MEIS2: variants seen among roughly 807,000 people sequenced by gnomAD.
MEIS2 encodes the protein Meis homeobox 2, also known as homeobox protein Meis2.
Under a neutral mutation model 58.6 loss-of-function variants are expected in MEIS2, and 9 were observed. That is an observed-to-expected ratio of 0.15 (90% CI 0.09 to 0.27). MEIS2 has a LOEUF of 0.27. Among genes scored for constraint, MEIS2 ranks in the 10% least tolerant of loss-of-function variants. The pLI, the probability that MEIS2 is intolerant of heterozygous loss-of-function variation, is 1.00. For synonymous variants in MEIS2, 221 were observed against 228.4 expected (o/e 0.97, Z 0.29); for missense variants, 427 against 635.0 (o/e 0.67, Z 3.52).
At chr15:37,083,292 A>G (rs1457295173) in intron 7 of MEIS2, among the ~76,000 whole-genome samples, 1 of 152,214 alleles carries the variant, frequency 6.6e-6, no homozygotes, top group Admixed American at 6.5e-5. Context: ...CCTTCCCAAG[A>G]TAAGATTCCA....
intron 8 of MEIS2, among the ~76,000 whole-genome samples, chr15:36,992,284 T>A (rs546309416): frequency 1.5e-3 from 225 of 152,186 alleles, no homozygotes; most frequent in Admixed American, 2.1e-3. Flanking sequence ...AGTTGAAAAG[T>A]TCATAATGTT....
chr15:37,009,146 A>G (rs565128776), intron 8 of MEIS2, among the ~76,000 whole-genome samples: 41 of 152,196 alleles, frequency 2.7e-4, no homozygotes, highest in Admixed American at 9.2e-4. Flanking sequence ...AAAATTAACC[A>G]GGCGTGGTGG....
Position 37,096,397 on chromosome 15 carries a change from A to G in MEIS2, c.279T>C (p.Phe93=). Residue 93 remains phenylalanine, a synonymous_variant, in exon 3 of 12, where the codon TTT becomes TTC. Coordinates refer to ENST00000561208, the MANE Select transcript of MEIS2 (RefSeq NM_170675.5). The part of the protein sequence containing the change: ...HPLFPLLALV[F]EKCELATCTP... ...TGCAGGTCGCCAGCTCGCACTTCTC[A>G]AAGACCAGAGCTAACAGAGGAAACA... 2 of 1,613,996 alleles carry G rather than the reference A, an allele frequency of 1.2e-6. No individual in the cohort carries two copies. The highest frequency in any genetic ancestry group is 1.7e-6 in the Non-Finnish European group (2 of 1,179,972).
At chr15:36,974,030 T>G (rs1420439644) in intron 8 of MEIS2, among the ~76,000 whole-genome samples, 2 of 152,254 alleles carry the variant, frequency 1.3e-5, no homozygotes, top group African/African-American at 4.8e-5. Flanking sequence ...GTTCCTATCT[T>G]TGACCTTGAA....
intron 8 of MEIS2, among the ~76,000 whole-genome samples, chr15:36,980,291 A>T (rs933771374): frequency 1.3e-5 from 2 of 152,162 alleles, no homozygotes; most frequent in Non-Finnish European, 1.5e-5. Flanking sequence ...CCCTGACATC[A>T]TGCTCTGAAA....
intron 7 of MEIS2, among the ~76,000 whole-genome samples, chr15:37,041,360 C>T (rs1175965372): frequency 6.6e-6 from 1 of 152,154 alleles, no homozygotes; most frequent in Non-Finnish European, 1.5e-5. Flanking sequence ...GGTTTGCTGT[C>T]CTCCTTTGTT....
At chr15:36,998,534 T>G (rs749404054) in intron 8 of MEIS2, among the ~76,000 whole-genome samples, 6 of 152,134 alleles carry the variant, frequency 3.9e-5, no homozygotes, top group Non-Finnish European at 5.9e-5. Flanking sequence ...GCTTTTCTTT[T>G]TCTTCCAAAT....
chr15:36,907,019 G>A (rs2056773907), intron 9 of MEIS2, among the ~76,000 whole-genome samples: 1 of 152,128 alleles, frequency 6.6e-6, no homozygotes, highest in Non-Finnish European at 1.5e-5. Context: ...ACTGGGTGTT[G>A]CTACACAAAT....
intron 7 of MEIS2, among the ~76,000 whole-genome samples, chr15:37,082,920 T>C (rs2141914659): frequency 6.6e-6 from 1 of 152,184 alleles, no homozygotes; most frequent in African/African-American, 2.4e-5. Context: ...TTAAATATCG[T>C]GGCCATAAAC....
intron 8 of MEIS2, among the ~76,000 whole-genome samples, chr15:37,003,589 T>G (rs1463230637): frequency 6.6e-6 from 1 of 152,198 alleles, no homozygotes; most frequent in Non-Finnish European, 1.5e-5. Flanking sequence ...GGCCATTTTA[T>G]GTACTAAGAA....
intron 8 of MEIS2, among the ~76,000 whole-genome samples, chr15:37,024,814 G>T (rs746526215): frequency 6.6e-5 from 10 of 152,196 alleles, no homozygotes; most frequent in Admixed American, 1.3e-4. Flanking sequence ...ATGAAAAATG[G>T]CATGCTGATG....
chr15:37,017,786 C>A (rs184791255), intron 8 of MEIS2, among the ~76,000 whole-genome samples: 1 of 152,298 alleles, frequency 6.6e-6, no homozygotes, highest in Admixed American at 6.5e-5. Flanking sequence ...TTTATTCCTT[C>A]ATTTATTTCT....
chr15:36,901,563 T>A (rs536908620), intron 9 of MEIS2, among the ~76,000 whole-genome samples: 3 of 152,186 alleles, frequency 2.0e-5, no homozygotes, highest in Non-Finnish European at 4.4e-5. Context: ...CATATGTTAC[T>A]TAGGGACAGA....
At chr15:37,029,500 A>G (rs891819368) in intron 8 of MEIS2, among the ~76,000 whole-genome samples, 2 of 152,174 alleles carry the variant, frequency 1.3e-5, no homozygotes, top group African/African-American at 4.8e-5. Context: ...AAGATGTCTA[A>G]TGATAGAAAT....
chr15:36,989,287 T>G (rs913683961), intron 8 of MEIS2, among the ~76,000 whole-genome samples: 3 of 152,240 alleles, frequency 2.0e-5, no homozygotes, highest in African/African-American at 7.2e-5. Flanking sequence ...CTGTAAATTT[T>G]CAGCCCAGTG....
At chr15:36,969,122 C>T (rs1315496649) in intron 8 of MEIS2, among the ~76,000 whole-genome samples, 1 of 152,188 alleles carries the variant, frequency 6.6e-6, no homozygotes, top group Non-Finnish European at 1.5e-5. Flanking sequence ...CACAACCTTC[C>T]TAATGGGACA....
At chr15:37,009,028 G>A (rs2061024777) in intron 8 of MEIS2, among the ~76,000 whole-genome samples, 1 of 152,162 alleles carries the variant, frequency 6.6e-6, no homozygotes, top group Admixed American at 6.5e-5. Context: ...GGTGGCTTAC[G>A]CCTGTAATCC....
intron 7 of MEIS2, among the ~76,000 whole-genome samples, chr15:37,080,075 A>T (rs192759990): frequency 2.4e-4 from 37 of 152,312 alleles, no homozygotes; most frequent in African/African-American, 7.7e-4. Context: ...TACAGCAAAG[A>T]TGTCAACATC....
chr15:36,996,421 T>C (rs1051867142), intron 8 of MEIS2, among the ~76,000 whole-genome samples: 3 of 152,124 alleles, frequency 2.0e-5, no homozygotes, highest in Non-Finnish European at 4.4e-5. Context: ...TCCCCTATTT[T>C]TTTTATCGAG....
Sources: gnomAD v4.1 joint callset for allele counts (sites outside exome capture counted in the v4.1 genomes callset) on GRCh38, gnomAD v4.1.1 for gene constraint, MANE v1.5 for transcripts, NCBI Gene and HGNC (gene_info 2026-07-23, HGNC 2026-07-21) for gene names.